The following KIAA1958 variants were observed in gnomAD, a reference collection of about 807,000 sequenced individuals.
KIAA1958 encodes the protein KIAA1958.
KIAA1958 carries 14 observed loss-of-function variants against 47.2 expected under a neutral mutation model. That is an observed-to-expected ratio of 0.30 (90% CI 0.20 to 0.46). The LOEUF (loss-of-function observed/expected upper bound fraction) is 0.46, where lower values mean the gene tolerates loss of function less well. KIAA1958 is among the 20% of genes least tolerant of loss of function. KIAA1958 has a pLI of 1.00. For missense variants in KIAA1958, 803 were observed against 909.2 expected (o/e 0.88, Z 1.50); for synonymous variants, 354 against 353.3 (o/e 1.00, Z -0.02).
rs372650280 is a variant in KIAA1958 at position 112,574,865 on chromosome 9, C to T, written c.785C>T (p.Thr262Met). The T allele has an allele frequency of 1.4e-5, 23 of 1,614,038 alleles. No individual in the cohort carries two copies. Among genetic ancestry groups the T allele is most frequent in the Middle Eastern group, 1.6e-4 (1 of 6,084 alleles). ...CCCCATGTCACATCTGCCATCAGCA[C>T]GGAGCTAGACCCACACGGTATGTCT... ...LIPHVTSAISTELDPHGMSAS... is the reference protein window; with the variant it reads ...LIPHVTSAISMELDPHGMSAS... Residue 262 changes from threonine to methionine, a missense_variant, in exon 2 of 4, where the codon ACG (threonine) becomes ATG (methionine). By Grantham distance (81) the Thr-to-Met change is moderately conservative. This residue lies in a region of KIAA1958 where 761 missense variants were observed against 829.3 expected (regional missense o/e 0.92). Coordinates refer to ENST00000337530, the MANE Select transcript of KIAA1958 (RefSeq NM_133465.4).
At chr9:112,590,719 G>A (rs953757200) in intron 2 of KIAA1958, among the ~76,000 whole-genome samples, 2 of 152,118 alleles carry the variant, frequency 1.3e-5, no homozygotes, top group African/African-American at 4.8e-5. Flanking sequence ...TAGTTACTGA[G>A]GGTGGAGGTA....
In KIAA1958 at chr9:112,633,414, A is replaced by G. The variant is rs76680973; in HGVS notation, c.1172-12236A>G. On this transcript the variant is annotated intron_variant, in intron 2 of 3. Coordinates refer to ENST00000337530, the MANE Select transcript of KIAA1958 (RefSeq NM_133465.4). ...GTCTTCCCATCTAGGTTCATGGTAT[A>G]ACTCTTAATTTATTAGGTTTGCATA... Among the ~76,000 whole-genome samples, 291 of 152,288 alleles carry G rather than the reference A, an allele frequency of 1.9e-3. 2 individuals are homozygous for G. In the East Asian group the frequency reaches 0.021, roughly 11 times the overall value.
chr9:112,611,145 G>A (rs994602963), intron 2 of KIAA1958, among the ~76,000 whole-genome samples: 7 of 151,934 alleles, frequency 4.6e-5, no homozygotes, highest in African/African-American at 1.7e-4. Context: ...AAAGTAAAAC[G>A]CTGGGAGATT....
intron 2 of KIAA1958, among the ~76,000 whole-genome samples, chr9:112,626,290 A>G (rs563700163): frequency 6.6e-6 from 1 of 152,298 alleles, no homozygotes; most frequent in Non-Finnish European, 1.5e-5. Context: ...ACGTTTCACA[A>G]ATTTTTATTT....
chr9:112,504,582 T>C (rs1001943600), intron 1 of KIAA1958, among the ~76,000 whole-genome samples: 11 of 152,216 alleles, frequency 7.2e-5, no homozygotes, highest in African/African-American at 2.7e-4. Flanking sequence ...TCATTGTATG[T>C]TTCATCCCCA....
chr9:112,541,235 G>A (rs965800077), intron 1 of KIAA1958, among the ~76,000 whole-genome samples: 2 of 151,736 alleles, frequency 1.3e-5, no homozygotes, highest in Non-Finnish European at 2.9e-5. Context: ...TGGCAGTCTT[G>A]TTTCAGTTTC....
At chr9:112,583,801 C>CTTAATTAAA (rs1356248077) in intron 2 of KIAA1958, among the ~76,000 whole-genome samples, 1 of 152,096 alleles carries the variant, frequency 6.6e-6, no homozygotes, top group African/African-American at 2.4e-5. Context: ...GAAGGAGACA[C>CTTAATTAAA]CCCAGATACA....
chr9:112,529,734 A>G (rs1172282269), intron 1 of KIAA1958, among the ~76,000 whole-genome samples: 2 of 152,166 alleles, frequency 1.3e-5, no homozygotes, highest in Non-Finnish European at 2.9e-5. Context: ...TGTCTGAGGT[A>G]GTGTTTGTCA....
At chr9:112,491,245 T>G (rs1403825057) in intron 1 of KIAA1958, among the ~76,000 whole-genome samples, 1 of 152,214 alleles carries the variant, frequency 6.6e-6, no homozygotes, top group African/African-American at 2.4e-5. Flanking sequence ...GGATTATAGG[T>G]GTGAACCACC....
intron 2 of KIAA1958, among the ~76,000 whole-genome samples, chr9:112,632,061 T>C (rs1836719274): frequency 6.6e-6 from 1 of 152,152 alleles, no homozygotes; most frequent in African/African-American, 2.4e-5. Flanking sequence ...TATATACATT[T>C]CCAAAGTCCT....
chr9:112,496,502 G>C (rs1275058966), intron 1 of KIAA1958, among the ~76,000 whole-genome samples: 1 of 152,156 alleles, frequency 6.6e-6, no homozygotes, highest in African/African-American at 2.4e-5. Flanking sequence ...ACATAAGTGG[G>C]TTCTGTTTGT....
intron 2 of KIAA1958, among the ~76,000 whole-genome samples, chr9:112,587,719 T>C (rs1364259534): frequency 2.0e-5 from 3 of 152,186 alleles, no homozygotes; most frequent in East Asian, 1.9e-4. Flanking sequence ...ATTTTTGTCA[T>C]GGTAATACAT....
chr9:112,535,317 T>G (rs1174790412), intron 1 of KIAA1958, among the ~76,000 whole-genome samples: 1 of 152,198 alleles, frequency 6.6e-6, no homozygotes, highest in African/African-American at 2.4e-5. Flanking sequence ...AGATTCCACA[T>G]GTAAGTGAGA....
chr9:112,633,698 A>G lies in KIAA1958; in HGVS notation c.1172-11952A>G, dbSNP rs150511265. ...GTCATTTTATCTGGTTTTTAATTAC[A>G]TAAATGAACCCTTTCAATATACTCT... On this transcript the variant is annotated intron_variant, in intron 2 of 3. Coordinates refer to ENST00000337530, the MANE Select transcript of KIAA1958 (RefSeq NM_133465.4). Among the ~76,000 whole-genome samples the G allele has an allele frequency of 9.5e-4, 144 of 152,248 alleles. 1 individual carries two copies. Among genetic ancestry groups the G allele is most frequent in the Non-Finnish European group, 1.9e-3 (130 of 68,002 alleles).
chr9:112,499,542 T>C (rs1834098295), intron 1 of KIAA1958, among the ~76,000 whole-genome samples: 1 of 152,150 alleles, frequency 6.6e-6, no homozygotes, highest in Non-Finnish European at 1.5e-5. Flanking sequence ...CATAATATTC[T>C]GCCTATGATA....
intron 2 of KIAA1958, among the ~76,000 whole-genome samples, chr9:112,589,855 G>T (rs561501316): frequency 6.6e-6 from 1 of 152,306 alleles, no homozygotes; most frequent in South Asian, 2.1e-4. Context: ...AGTTCCTTCT[G>T]ACTTTTTTCT....
chr9:112,541,825 A>G (rs1834950058), intron 1 of KIAA1958, among the ~76,000 whole-genome samples: 1 of 152,046 alleles, frequency 6.6e-6, no homozygotes, highest in African/African-American at 2.4e-5. Flanking sequence ...GAATAAAACA[A>G]CAAAAACAGA....
intron 2 of KIAA1958, among the ~76,000 whole-genome samples, chr9:112,589,107 A>G (rs140786831): frequency 2.0e-5 from 3 of 152,298 alleles, no homozygotes; most frequent in African/African-American, 7.2e-5. Context: ...GAGATCCGCA[A>G]TGCTTGTTCC....
intron 2 of KIAA1958, among the ~76,000 whole-genome samples, chr9:112,644,239 T>C (rs1261133681): frequency 1.3e-5 from 2 of 150,760 alleles, no homozygotes; most frequent in Non-Finnish European, 3.0e-5. Context: ...AGGCAGTGCA[T>C]GGGGAAGGTG....
Sources: allele counts gnomAD v4.1 joint callset (sites outside exome capture counted in the v4.1 genomes callset), GRCh38; gene constraint gnomAD v4.1.1; regional missense constraint gnomAD v4.1.1; transcripts MANE v1.5; gene names NCBI Gene and HGNC (gene_info 2026-07-23, HGNC 2026-07-21).